Variants in TUSC3 observed in about 807,000 individuals in gnomAD.
TUSC3 encodes the protein dolichyl-diphosphooligosaccharide--protein glycosyltransferase subunit TUSC3.
In TUSC3, 45 loss-of-function variants were observed where a neutral mutation model predicts 44.8. That is an observed-to-expected ratio of 1.00 (90% confidence interval 0.79 to 1.29). The LOEUF (loss-of-function observed/expected upper bound fraction) is 1.29, where lower values mean the gene tolerates loss of function less well. TUSC3 is among the 50% of genes most tolerant of loss of function. The probability of loss-of-function intolerance (pLI) is 0.00; values close to 1 mark genes in which losing one functional copy is unlikely to be tolerated. For synonymous variants in TUSC3, 212 were observed against 152.9 expected, an observed-to-expected ratio of 1.39 and a Z score of -2.85; for missense variants, 519 against 437.9, an observed-to-expected ratio of 1.19 and a Z score of -1.65.
intron 3 of TUSC3, among the ~76,000 whole-genome samples, chr8:15,658,588 T>G (rs1807273433): frequency 6.6e-6 from 1 of 151,838 alleles, no homozygotes; most frequent in South Asian, 2.1e-4. Context: ...AACTTTTTTT[T>G]ATAATTCCTG....
intron 2 of TUSC3, among the ~76,000 whole-genome samples, chr8:15,634,142 CT>C: frequency 6.6e-6 from 1 of 152,224 alleles, no homozygotes; most frequent in Non-Finnish European, 1.5e-5. Context: ...TGGTATTAAA[CT>C]TTTGCATGAG....
At chr8:15,492,966 T>C (rs1800830088) in intron 2 of TUSC3, among the ~76,000 whole-genome samples, 1 of 152,080 alleles carries the variant, frequency 6.6e-6, no homozygotes, top group Non-Finnish European at 1.5e-5. Context: ...CTCCAGCCTG[T>C]GTAACAGAGA....
the TUSC3 span, among the ~76,000 whole-genome samples, chr8:15,808,519 C>G: frequency 6.6e-6 from 1 of 152,230 alleles, no homozygotes; most frequent in East Asian, 1.9e-4. Flanking sequence ...TGCTTCCAGC[C>G]TTTTAATGAG....
chr8:15,462,299 C>G lies in TUSC3; in HGVS notation n.92-21087C>G, dbSNP rs562175330. Among the ~76,000 whole-genome samples the G allele has an allele frequency of 3.9e-5, 6 of 152,116 alleles. No homozygotes were observed. In the South Asian group the frequency reaches 1.2e-3, roughly 32 times the overall value. On this transcript the variant is annotated intron_variant and non_coding_transcript_variant, in intron 1 of 5. Transcript: ENST00000503191. ...ACTTTTATCTAGAATATATAAACAA[C>G]TATTACAACTCAATAATAAAGAAAC...
intron 1 of TUSC3, among the ~76,000 whole-genome samples, chr8:15,565,535 A>G (rs562384232): frequency 3.9e-4 from 60 of 152,256 alleles, no homozygotes; most frequent in South Asian, 3.1e-3. Flanking sequence ...CAAGACATTC[A>G]TACACTCCAG....
chr8:15,806,308 A>C, the TUSC3 span: 1 of 699,458 alleles, frequency 1.4e-6, no homozygotes, highest in South Asian at 1.4e-5. Context: ...ACATGGACTA[A>C]GTCAGGGACA....
chr8:15,827,226 G>A, the TUSC3 span, among the ~76,000 whole-genome samples: 2 of 152,142 alleles, frequency 1.3e-5, no homozygotes, highest in African/African-American at 2.4e-5. Context: ...AGGAGCATGT[G>A]ATCTATTAGG....
At chr8:15,759,187 A>T (rs1486171864) in intron 10 of TUSC3, among the ~76,000 whole-genome samples, 2 of 152,142 alleles carry the variant, frequency 1.3e-5, no homozygotes, top group South Asian at 2.1e-4. Flanking sequence ...TTAGTGAACA[A>T]CCCAGACCTT....
chr8:15,676,180 T>A (rs552067172), intron 6 of TUSC3, among the ~76,000 whole-genome samples: 5 of 152,152 alleles, frequency 3.3e-5, no homozygotes, highest in African/African-American at 1.2e-4. Flanking sequence ...TCTCTGATGA[T>A]TAGAAATTAA....
chr8:15,658,580 CTT>C (rs777326307), intron 3 of TUSC3, among the ~76,000 whole-genome samples: 1 of 151,132 alleles, frequency 6.6e-6, no homozygotes, highest in African/African-American at 2.4e-5. Context: ...CATTTTAAAA[CTT>C]TTTTTTATAA....
the TUSC3 span, among the ~76,000 whole-genome samples, chr8:15,850,696 T>C: frequency 6.6e-6 from 1 of 152,094 alleles, no homozygotes; most frequent in Non-Finnish European, 1.5e-5. Context: ...AAGGAATGGG[T>C]GAGGTGATGA....
At chr8:15,725,509 C>T (rs577495217) in intron 6 of TUSC3, among the ~76,000 whole-genome samples, 2 of 152,234 alleles carry the variant, frequency 1.3e-5, no homozygotes, top group African/African-American at 2.4e-5. Context: ...ACTGAATTAA[C>T]AGTGGGCATC....
chr8:15,681,018 G>T (rs990798816), intron 6 of TUSC3, among the ~76,000 whole-genome samples: 2 of 151,758 alleles, frequency 1.3e-5, no homozygotes, highest in African/African-American at 4.8e-5. Context: ...TTACATCTAT[G>T]TTCCTTAGTG....
chr8:15,546,599 A>G (rs1423367399), intron 1 of TUSC3, among the ~76,000 whole-genome samples: 1 of 151,612 alleles, frequency 6.6e-6, no homozygotes, highest in Admixed American at 6.6e-5. Context: ...GCAATGGCGC[A>G]AACTTGGCTC....
chr8:15,796,652 G>C, the TUSC3 span, among the ~76,000 whole-genome samples: 2 of 152,220 alleles, frequency 1.3e-5, no homozygotes, highest in South Asian at 4.1e-4. Flanking sequence ...TGGACTGAAG[G>C]CTCCACTGAG....
At chr8:15,804,714 G>T in the TUSC3 span, among the ~76,000 whole-genome samples, 1 of 152,174 alleles carries the variant, frequency 6.6e-6, no homozygotes, top group African/African-American at 2.4e-5. Flanking sequence ...ATGTGGTTTT[G>T]ATTATTATCA....
chr8:15,475,702 C>A lies in TUSC3; in HGVS notation n.92-7684C>A, dbSNP rs549505072. Reference sequence around the variant, plus strand: ...TTTGGTTTTACATGAAGATTATTGGCTTAAGTGTGTTGTTGTCTTAGTTTA... The same window carrying A: ...TTTGGTTTTACATGAAGATTATTGGATTAAGTGTGTTGTTGTCTTAGTTTA... On this transcript the variant is annotated intron_variant and non_coding_transcript_variant, in intron 1 of 5. Transcript: ENST00000503191. 2.0e-5 allele frequency among the ~76,000 whole-genome samples: 3 copies of A among 152,200 alleles called. No homozygotes were observed. The East Asian group carries it at 5.8e-4, about 29-fold the overall frequency.
chr8:15,605,013 T>A (rs1804459704), intron 1 of TUSC3, among the ~76,000 whole-genome samples: 1 of 151,888 alleles, frequency 6.6e-6, no homozygotes, highest in African/African-American at 2.4e-5. Flanking sequence ...AGAGAAGTTC[T>A]GATACTCCAG....
chr8:15,463,300 A>C (rs1008468749), intron 1 of TUSC3, among the ~76,000 whole-genome samples: 26 of 152,164 alleles, frequency 1.7e-4, no homozygotes, highest in Admixed American at 1.4e-3. Flanking sequence ...AGCTAGGCTA[A>C]ATTAGAGGAG....
Sources: allele counts gnomAD v4.1 joint callset (sites outside exome capture counted in the v4.1 genomes callset), GRCh38; gene constraint gnomAD v4.1.1; transcripts MANE v1.5; gene names NCBI Gene and HGNC (gene_info 2026-07-23, HGNC 2026-07-21).